Variants in ZZEF1 observed in about 807,000 individuals in gnomAD.
ZZEF1 encodes the protein zinc finger ZZ-type and EF-hand domain-containing protein 1.
ZZEF1 carries 157 observed loss-of-function variants against 342.8 expected under a neutral mutation model. That is an observed-to-expected ratio of 0.46 (90% CI 0.40 to 0.52). ZZEF1 has a LOEUF of 0.52. Ranked by LOEUF, ZZEF1 falls within the 20% of genes least tolerant of loss-of-function variation. The probability of loss-of-function intolerance (pLI) is 0.00; values close to 1 mark genes in which losing one functional copy is unlikely to be tolerated. For synonymous variants in ZZEF1, 1,505 were observed against 1,429.1 expected, an observed-to-expected ratio of 1.05 and a Z score of -1.20; for missense variants, 3,480 against 3,725.6, an observed-to-expected ratio of 0.93 and a Z score of 1.72.
chr17:4,050,728 T>C (rs2057025838), intron 36 of ZZEF1, 53 bp downstream of exon 36: 5 of 1,606,876 alleles, frequency 3.1e-6, no homozygotes, highest in Non-Finnish European at 4.2e-6. Context: ...GCCAAGGCTT[T>C]TTTTCACCAG....
At position 4,048,683 on chromosome 17, in the gene ZZEF1, A is replaced by C. The variant is rs571639238; in HGVS notation, c.6015+1025T>G. Among the ~76,000 whole-genome samples, 9 of 152,240 alleles carry C rather than the reference A, an allele frequency of 5.9e-5. No homozygotes were observed. In the East Asian group the frequency reaches 1.7e-3, roughly 29 times the overall value. ...ACTGAATATAAATACAGCTACACCG[A>C]TACAGTGTACACCATGGGCTAGGAA... is the stretch of plus-strand genomic sequence containing the variant. On this transcript the variant is annotated intron_variant, in intron 37 of 54. Coordinates refer to ENST00000381638, the MANE Select transcript of ZZEF1 (RefSeq NM_015113.4).
At chr17:4,141,739 A>C (rs1019160320) in intron 1 of ZZEF1, among the ~76,000 whole-genome samples, 23 of 151,558 alleles carry the variant, frequency 1.5e-4, no homozygotes, top group African/African-American at 5.6e-4. Context: ...AAAAAGCAAG[A>C]GATCTAGTTG....
intron 53 of ZZEF1, 163 bp from the exon 54 acceptor site, chr17:4,009,117 G>A (rs1296740301): frequency 1.2e-5 from 10 of 864,582 alleles, no homozygotes; most frequent in East Asian, 2.7e-5. Flanking sequence ...GAACCCTGGC[G>A]GGAGCCAGGT....
At chr17:4,020,835 G>A (rs903843448) in intron 45 of ZZEF1, among the ~76,000 whole-genome samples, 9 of 152,234 alleles carry the variant, frequency 5.9e-5, no homozygotes, top group African/African-American at 9.6e-5. Flanking sequence ...TAGGGCTTTA[G>A]TAAGCCCTTG....
intron 46 of ZZEF1, among the ~76,000 whole-genome samples, chr17:4,019,425 G>A (rs1309145362): frequency 6.6e-6 from 1 of 152,210 alleles, no homozygotes; most frequent in Non-Finnish European, 1.5e-5. Context: ...TCTGTAAAAT[G>A]AGTTTCCTCT....
rs768260221 is a variant in ZZEF1, at chr17:4,058,164, C to A, written c.5004-9G>T. 2.5e-6 allele frequency: 4 copies of A among 1,607,714 alleles called. No homozygotes were observed. The highest frequency in any genetic ancestry group is 3.4e-6 in the Non-Finnish European group (4 of 1,176,896). Reference sequence around the variant, plus strand: ...AGGCAGGGAGCAAGGACCTAAAGGGCCATGAAAGTGACCATTAGCAGAGCT... The same window carrying A: ...AGGCAGGGAGCAAGGACCTAAAGGGACATGAAAGTGACCATTAGCAGAGCT... On this transcript the variant is annotated splice_polypyrimidine_tract_variant and intron_variant, in intron 31 of 54. Transcript: ENST00000381638.
intron 31 of ZZEF1, 116 bp from the exon 32 acceptor site, chr17:4,058,271 G>T: frequency 1.8e-6 from 2 of 1,119,424 alleles, no homozygotes; most frequent in Non-Finnish European, 2.5e-6. Context: ...ACTTCACATT[G>T]CTGGTTTGGG....
At chr17:4,035,847 C>T (rs1229571893) in intron 39 of ZZEF1, among the ~76,000 whole-genome samples, 1 of 152,120 alleles carries the variant, frequency 6.6e-6, no homozygotes, top group Non-Finnish European at 1.5e-5. Context: ...CCACTGTAAT[C>T]CCAGCACTTT....
chr17:4,051,413 T>A (rs1381320207), intron 35 of ZZEF1, among the ~76,000 whole-genome samples: 1 of 152,100 alleles, frequency 6.6e-6, no homozygotes, highest in Non-Finnish European at 1.5e-5. Context: ...GCCTGGAATT[T>A]GCTTTATTTA....
intron 33 of ZZEF1, among the ~76,000 whole-genome samples, chr17:4,055,610 A>T (rs1003917374): frequency 6.6e-6 from 1 of 152,212 alleles, no homozygotes; most frequent in South Asian, 2.1e-4. Flanking sequence ...CTCCAAGGAC[A>T]CTAGAGCCCA....
chr17:4,039,006 A>G (rs1567784134), intron 39 of ZZEF1, among the ~76,000 whole-genome samples: 1 of 152,082 alleles, frequency 6.6e-6, no homozygotes, highest in Non-Finnish European at 1.5e-5. Flanking sequence ...TTACACTAAA[A>G]TCAAACTAAT....
chr17:4,060,608 C>A (rs549354685), intron 30 of ZZEF1, among the ~76,000 whole-genome samples: 1 of 148,052 alleles, frequency 6.8e-6, no homozygotes, highest in African/African-American at 2.5e-5. Context: ...AAACACTCAA[C>A]CCCCCACCCC....
intron 52 of ZZEF1, among the ~76,000 whole-genome samples, chr17:4,010,424 A>G (rs1324728547): frequency 6.6e-6 from 1 of 151,924 alleles, no homozygotes; most frequent in Non-Finnish European, 1.5e-5. Flanking sequence ...TATTAAATGA[A>G]AAAAAGCAAG....
intron 26 of ZZEF1, among the ~76,000 whole-genome samples, chr17:4,069,625 G>A (rs1474804130): frequency 6.6e-6 from 1 of 152,188 alleles, no homozygotes; most frequent in Non-Finnish European, 1.5e-5. Flanking sequence ...GAGGTCAGGA[G>A]TTCAAGACCA....
chr17:4,124,587 C>G (rs1400602900), intron 1 of ZZEF1, among the ~76,000 whole-genome samples: 2 of 150,534 alleles, frequency 1.3e-5, no homozygotes, highest in African/African-American at 2.4e-5. Flanking sequence ...GGACTACAGG[C>G]GCCTGCCACA....
chr17:4,140,334 T>G (rs1734572056), intron 1 of ZZEF1, among the ~76,000 whole-genome samples: 1 of 152,242 alleles, frequency 6.6e-6, no homozygotes. Context: ...CTACCTCCTG[T>G]AACACTATCT....
chr17:4,047,502 G>C (rs1175664561), intron 37 of ZZEF1, among the ~76,000 whole-genome samples: 1 of 152,168 alleles, frequency 6.6e-6, no homozygotes, highest in African/African-American at 2.4e-5. Flanking sequence ...AAATTAGCTG[G>C]CATGGTGGCA....
At chr17:4,138,901 G>A (rs1368101088) in intron 1 of ZZEF1, among the ~76,000 whole-genome samples, 1 of 152,192 alleles carries the variant, frequency 6.6e-6, no homozygotes, top group South Asian at 2.1e-4. Flanking sequence ...CCTTCTCCCT[G>A]GACCACACCT....
chr17:4,110,689 G>A (rs983649698), intron 5 of ZZEF1, among the ~76,000 whole-genome samples: 1 of 151,628 alleles, frequency 6.6e-6, no homozygotes, highest in Non-Finnish European at 1.5e-5. Context: ...CCAAGAATGA[G>A]GGGTGGGTTA....
Sources: gnomAD v4.1 joint callset for allele counts (sites outside exome capture counted in the v4.1 genomes callset) on GRCh38, gnomAD v4.1.1 for gene constraint, MANE v1.5 for transcripts, NCBI Gene and HGNC (gene_info 2026-07-23, HGNC 2026-07-21) for gene names.